PIAS1: variants seen among roughly 807,000 people sequenced by gnomAD.
PIAS1 encodes the protein protein inhibitor of activated STAT 1.
In PIAS1, 6 loss-of-function variants were observed where a neutral mutation model predicts 71.3. The ratio of observed to expected loss-of-function variants is 0.08; its 90% confidence interval spans 0.05 to 0.17. The LOEUF is 0.17. Among genes scored for constraint, PIAS1 ranks in the 10% least tolerant of loss-of-function variants. PIAS1 has a pLI of 1.00. For missense variants in PIAS1, 555 were observed against 793.6 expected (o/e 0.70, Z 3.61); for synonymous variants, 303 against 292.9 (o/e 1.03, Z -0.35).
chr15:68,057,167 G>A (rs2091904951), intron 1 of PIAS1, among the ~76,000 whole-genome samples: 1 of 152,142 alleles, frequency 6.6e-6, no homozygotes, highest in Non-Finnish European at 1.5e-5. Flanking sequence ...TGTGCAAGCT[G>A]CAACACTTCA....
chr15:68,163,174 C>A (rs556387371), intron 7 of PIAS1, among the ~76,000 whole-genome samples: 1 of 152,074 alleles, frequency 6.6e-6, no homozygotes, highest in Admixed American at 6.5e-5. Context: ...TTTCATATGG[C>A]GATTATTTGT....
intron 1 of PIAS1, chr15:68,057,585 G>C (rs1221853728): frequency 2.6e-6 from 1 of 383,670 alleles, no homozygotes; most frequent in Non-Finnish European, 5.0e-6. Flanking sequence ...GAGTGTGTCA[G>C]TGAATTCTAT....
At chr15:68,057,444 A>T in intron 1 of PIAS1, 1 of 420,944 alleles carries the variant, frequency 2.4e-6, no homozygotes, top group South Asian at 1.7e-5. Context: ...TTGGAGTAAA[A>T]CTCAAACCAA....
chr15:68,116,359 T>C (rs934101046), intron 2 of PIAS1, among the ~76,000 whole-genome samples: 2 of 152,118 alleles, frequency 1.3e-5, no homozygotes, highest in Non-Finnish European at 2.9e-5. Flanking sequence ...TGCTGAGTTA[T>C]AAGTTTTTGT....
intron 1 of PIAS1, among the ~76,000 whole-genome samples, chr15:68,065,773 C>T (rs2140958752): frequency 6.9e-6 from 1 of 144,258 alleles, no homozygotes; most frequent in East Asian, 2.0e-4. Flanking sequence ...CAGGGTCTCC[C>T]TCTCTTGCCC....
intron 2 of PIAS1, among the ~76,000 whole-genome samples, chr15:68,097,068 A>C (rs1309029706): frequency 1.3e-5 from 2 of 152,144 alleles, no homozygotes; most frequent in African/African-American, 4.8e-5. Flanking sequence ...CATTATGTTG[A>C]GATAGTTTCC....
intron 6 of PIAS1, among the ~76,000 whole-genome samples, chr15:68,147,224 A>G (rs539372159): frequency 2.0e-5 from 3 of 152,322 alleles, no homozygotes; most frequent in Admixed American, 2.0e-4. Context: ...GTACAAATTT[A>G]TTCTCTGACT....
rs1452310468 is a variant in PIAS1, at chr15:68,111,713, AACT to A, written c.469+24967_469+24969del. 7.9e-5 allele frequency among the ~76,000 whole-genome samples: 12 copies of A among 152,298 alleles called. No homozygotes were observed. The South Asian group carries it at 2.5e-3, about 32-fold the overall frequency. On this transcript the variant is annotated intron_variant, in intron 2 of 13. Coordinates refer to ENST00000249636, the MANE Select transcript of PIAS1 (RefSeq NM_016166.3). ...GAGGAAGGAATTTTCCCTAGCGTAA[AACT>A]ACTGAGAGTTCATTAAGATTTTATT...
At chr15:68,159,596 C>G (rs1430830802) in intron 7 of PIAS1, among the ~76,000 whole-genome samples, 1 of 152,112 alleles carries the variant, frequency 6.6e-6, no homozygotes, top group South Asian at 2.1e-4. Context: ...TGGCTTCTTT[C>G]ACTTAGTATA....
In PIAS1 at chr15:68,193,568, C is replaced by A. The variant is rs2093130079; in HGVS notation, c.*5733C>A. On this transcript the variant is annotated 3_prime_UTR_variant, in exon 14 of 14. Transcript: ENST00000249636. ...TTGGAAATATGGAAGATGGTTCTAGCCCCCAAATACAGAATAAGTCTCTTG... is the reference window on the plus strand; with the variant it reads ...TTGGAAATATGGAAGATGGTTCTAGACCCCAAATACAGAATAAGTCTCTTG... The A allele has an allele frequency of 6.5e-6, 1 of 154,636 alleles. No homozygotes were observed. The highest frequency in any genetic ancestry group is 1.4e-5 in the Non-Finnish European group (1 of 69,708). The allele number at this position is 154,636 out of a possible 1,614,324, so 9.6% of individuals were successfully genotyped here.
At chr15:68,153,512 C>A in intron 6 of PIAS1, 78 bp from the exon 7 acceptor site, 1 of 664,450 alleles carries the variant, frequency 1.5e-6, no homozygotes, top group Non-Finnish European at 2.6e-6. Context: ...AGTTTTCTTT[C>A]CCTATCATGG....
At chr15:68,144,847 A>T (rs1230390950) in intron 4 of PIAS1, among the ~76,000 whole-genome samples, 1 of 152,130 alleles carries the variant, frequency 6.6e-6, no homozygotes, top group Non-Finnish European at 1.5e-5. Context: ...TTACATATAA[A>T]ATTGTTTTAT....
chr15:68,081,756 A>C (rs566257159), intron 1 of PIAS1, among the ~76,000 whole-genome samples: 25 of 152,260 alleles, frequency 1.6e-4, no homozygotes, highest in African/African-American at 6.0e-4. Flanking sequence ...TGAGATTATC[A>C]GTCTAGGAAG....
rs2092278520 is a variant in PIAS1 at position 68,086,042 on chromosome 15, G to A, written c.25-264G>A. ...TCAAAACAGTGGAATAAAGTGAGGT[G>A]TGGTTTTCCCTGGTGTATACTTTAT... On this transcript the variant is annotated intron_variant, in intron 1 of 13. Coordinates refer to ENST00000249636, the MANE Select transcript of PIAS1 (RefSeq NM_016166.3). The surrounding 1 kb of genome is among the most constrained non-coding windows in gnomAD (Gnocchi z 7.2). Among the ~76,000 whole-genome samples, 1 of 152,180 alleles carries A rather than the reference G, an allele frequency of 6.6e-6. No homozygotes were observed. Among genetic ancestry groups the A allele is most frequent in the Admixed American group, 6.5e-5 (1 of 15,278 alleles).
rs1310516326 is a variant in PIAS1 at position 68,188,441 on chromosome 15, CTGTA to C, written c.*612_*615del. ...GGGTGTGTGTGTTCATTGTGTGCGTCTGTATGTATTTTTCTGTCATCACTGTTCC... is the reference window on the plus strand; with the variant it reads ...GGGTGTGTGTGTTCATTGTGTGCGTCTGTATTTTTCTGTCATCACTGTTCC... On this transcript the variant is annotated 3_prime_UTR_variant, in exon 14 of 14. Coordinates refer to ENST00000249636, the MANE Select transcript of PIAS1 (RefSeq NM_016166.3). 2.0e-5 allele frequency: 3 copies of C among 152,524 alleles called. No homozygotes were observed. Among genetic ancestry groups the C allele is most frequent in the African/African-American group, 7.2e-5 (3 of 41,434 alleles). The allele number at this position is 152,524 out of a possible 1,614,324, so 9.4% of individuals were successfully genotyped here. A position where few individuals can be genotyped will look rare whatever the true frequency, so the allele number is the denominator to read the frequency against.
At chr15:68,085,892 C>T (rs1163316177) in intron 1 of PIAS1, among the ~76,000 whole-genome samples, 1 of 152,134 alleles carries the variant, frequency 6.6e-6, no homozygotes, top group Non-Finnish European at 1.5e-5. Context: ...TTCATATATA[C>T]TTATAATTCT....
At chr15:68,085,087 A>G in intron 1 of PIAS1, among the ~76,000 whole-genome samples, 1 of 152,146 alleles carries the variant, frequency 6.6e-6, no homozygotes, top group African/African-American at 2.4e-5. Context: ...CCCTTAGAGA[A>G]TTGGCTGGGG....
At chr15:68,085,850 A>G (rs1380986656) in intron 1 of PIAS1, among the ~76,000 whole-genome samples, 2 of 152,234 alleles carry the variant, frequency 1.3e-5, no homozygotes, top group East Asian at 1.9e-4. Context: ...TATCCTGCCT[A>G]CATCTGGTGT....
At chr15:68,121,065 T>G (rs979085961) in intron 2 of PIAS1, among the ~76,000 whole-genome samples, 1 of 152,228 alleles carries the variant, frequency 6.6e-6, no homozygotes, top group Non-Finnish European at 1.5e-5. Flanking sequence ...TCTGATATTG[T>G]TCATTCTTTT....
Sources: allele counts gnomAD v4.1 joint callset (sites outside exome capture counted in the v4.1 genomes callset), GRCh38; gene constraint gnomAD v4.1.1; non-coding constraint Gnocchi (gnomAD v3.1); transcripts MANE v1.5; gene names NCBI Gene and HGNC (gene_info 2026-07-23, HGNC 2026-07-21).